Variants in AVEN observed in about 807,000 individuals in gnomAD.
The protein encoded by AVEN is cell death regulator Aven.
Under a neutral mutation model 38.1 loss-of-function variants are expected in AVEN, and 41 were observed. The observed-to-expected ratio is 1.08, with a 90% confidence interval of 0.84 to 1.40. The LOEUF (loss-of-function observed/expected upper bound fraction) is 1.40, where lower values mean the gene tolerates loss of function less well. Among genes scored for constraint, AVEN ranks in the 40% most tolerant of loss-of-function variants. AVEN has a pLI of 0.00. For missense variants in AVEN, 605 were observed against 438.8 expected, an observed-to-expected ratio of 1.38 and a Z score of -3.38; for synonymous variants, 206 against 171.8, an observed-to-expected ratio of 1.20 and a Z score of -1.56.
intron 2 of AVEN, among the ~76,000 whole-genome samples, chr15:33,990,203 C>CA (rs974521627): frequency 2.9e-4 from 40 of 140,222 alleles, no homozygotes; most frequent in Middle Eastern, 3.6e-3. Context: ...GACTCCGTCT[C>CA]AAAAAAAAAC....
chr15:34,056,437 G>A (rs1394250167), intron 5 of AVEN, among the ~76,000 whole-genome samples: 1 of 152,230 alleles, frequency 6.6e-6, no homozygotes, highest in Non-Finnish European at 1.5e-5. Flanking sequence ...AGAAAGGCTA[G>A]ATAAGCTAAG....
intron 2 of AVEN, among the ~76,000 whole-genome samples, chr15:33,920,449 G>A (rs1278257823): frequency 1.3e-5 from 2 of 152,080 alleles, no homozygotes; most frequent in African/African-American, 4.8e-5. Flanking sequence ...TTTGAGGCTG[G>A]CTTATTTCAC....
downstream of AVEN, chr15:33,858,326 T>C (rs1313880517): frequency 1.1e-5 from 2 of 174,932 alleles, no homozygotes; most frequent in Admixed American, 5.6e-5. Flanking sequence ...TGCCTCAGCC[T>C]CCCTAGTAGC....
chr15:33,911,406 T>C (rs1299055756), intron 2 of AVEN, among the ~76,000 whole-genome samples: 1 of 152,248 alleles, frequency 6.6e-6, no homozygotes, highest in East Asian at 1.9e-4. Flanking sequence ...CCTCCTTTTT[T>C]GCTAACATAC....
At chr15:34,017,771 A>T (rs1898005608) in intron 1 of AVEN, among the ~76,000 whole-genome samples, 1 of 152,088 alleles carries the variant, frequency 6.6e-6, no homozygotes. Context: ...TGAGCCACTG[A>T]GCCTGGCCAG....
At chr15:33,924,575 G>C (rs912309835) in intron 2 of AVEN, among the ~76,000 whole-genome samples, 3 of 152,048 alleles carry the variant, frequency 2.0e-5, no homozygotes, top group Non-Finnish European at 4.4e-5. Context: ...ACCTGCCACA[G>C]CCTCTCAAAG....
chr15:33,955,585 T>C (rs1894923223), intron 2 of AVEN, among the ~76,000 whole-genome samples: 1 of 152,230 alleles, frequency 6.6e-6, no homozygotes, highest in Admixed American at 6.5e-5. Flanking sequence ...AAGAGTATTA[T>C]GAATTTTAGA....
intron 1 of AVEN, among the ~76,000 whole-genome samples, chr15:34,008,969 CACACACAG>C (rs1567464060): frequency 3.3e-5 from 5 of 151,454 alleles, no homozygotes; most frequent in African/African-American, 7.3e-5. Context: ...CACACACACA[CACACACAG>C]ACCATCGAGA....
intron 1 of AVEN, among the ~76,000 whole-genome samples, chr15:34,008,768 G>A (rs992105650): frequency 4.6e-5 from 7 of 152,146 alleles, no homozygotes; most frequent in East Asian, 3.9e-4. Context: ...GATTACAGGC[G>A]TGAGCCACCG....
rs1268974335 is a variant in AVEN at position 34,035,948 on chromosome 15, G to A, written c.267+2832C>T. ...GTAGCAGGGACTACAGATGCACCCCGCCATGCTCGGCAGTTTTGTATTTTT... is the reference window on the plus strand; with the variant it reads ...GTAGCAGGGACTACAGATGCACCCCACCATGCTCGGCAGTTTTGTATTTTT... On this transcript the variant is annotated intron_variant, in intron 1 of 5. Transcript: ENST00000306730. 5.3e-5 allele frequency among the ~76,000 whole-genome samples: 8 copies of A among 151,944 alleles called. No individual in the cohort carries two copies. The East Asian group carries it at 1.2e-3, about 22-fold the overall frequency.
At chr15:34,026,156 A>G (rs1280527680) in intron 1 of AVEN, among the ~76,000 whole-genome samples, 3 of 152,330 alleles carry the variant, frequency 2.0e-5, no homozygotes, top group Middle Eastern at 3.4e-3. Flanking sequence ...AAATGCATAC[A>G]TATACCTTAT....
chr15:33,943,142 G>A (rs191341762), intron 2 of AVEN, among the ~76,000 whole-genome samples: 42 of 152,326 alleles, frequency 2.8e-4, no homozygotes, highest in African/African-American at 1.0e-3. Context: ...GCAGGATCTT[G>A]AAGAGGTATT....
chr15:33,984,736 A>G (rs933677251), intron 2 of AVEN, among the ~76,000 whole-genome samples: 2 of 152,114 alleles, frequency 1.3e-5, no homozygotes, highest in African/African-American at 2.4e-5. Context: ...GTTGCTTTTC[A>G]TTGAAGAACA....
In AVEN at chr15:34,017,484, G is replaced by GTTT. The variant is rs60119659; in HGVS notation, c.268-14278_268-14276dup. Among the ~76,000 whole-genome samples the GTTT allele has an allele frequency of 5.9e-3, 628 of 107,326 alleles. 18 individuals are homozygous for GTTT. The highest frequency in any genetic ancestry group is 0.018 in the African/African-American group (564 of 31,688). The allele number at this position is 107,326 out of a possible 152,430, so 70.4% of individuals were successfully genotyped here. A position where few individuals can be genotyped will look rare whatever the true frequency, so the allele number is the denominator to read the frequency against. On this transcript the variant is annotated intron_variant, in intron 1 of 5. Coordinates refer to ENST00000306730, the MANE Select transcript of AVEN (RefSeq NM_020371.3). The stretch of plus-strand genomic sequence containing the variant: ...GTGATTTCAGTATGATTTTTTTTTT[G>GTTT]TTTTTTTTTTTTTTTTGAGACAGGG...
chr15:34,029,861 C>T (rs12437606), intron 1 of AVEN, among the ~76,000 whole-genome samples: 4,286 of 152,242 alleles, frequency 0.028, 168 homozygotes, highest in African/African-American at 0.077. Flanking sequence ...ATTTTATTAT[C>T]AGCCTTGTAG....
downstream of AVEN, chr15:33,865,975 A>C (rs567399081): frequency 6.5e-6 from 1 of 152,996 alleles, no homozygotes; most frequent in African/African-American, 2.4e-5. Context: ...TCAGAAAAAA[A>C]ATCTCAACCT....
At chr15:33,924,367 CAAAA>C (rs1439645756) in intron 2 of AVEN, among the ~76,000 whole-genome samples, 1 of 133,590 alleles carries the variant, frequency 7.5e-6, no homozygotes, top group Non-Finnish European at 1.6e-5. Context: ...GAGACTGTCT[CAAAA>C]AAAAAAAAAA....
chr15:33,990,681 C>T (rs1896684082), intron 2 of AVEN: 1 of 152,192 alleles, frequency 6.6e-6, no homozygotes, highest in African/African-American at 2.4e-5. Flanking sequence ...GAAAGATAAC[C>T]ACAGCAGCCA....
At chr15:33,951,443 A>C (rs1014684307) in intron 2 of AVEN, among the ~76,000 whole-genome samples, 11 of 152,086 alleles carry the variant, frequency 7.2e-5, no homozygotes, top group African/African-American at 2.7e-4. Context: ...GGATAGCATT[A>C]GGAGAAATAC....
Sources: gnomAD v4.1 joint callset for allele counts (sites outside exome capture counted in the v4.1 genomes callset) on GRCh38, gnomAD v4.1.1 for gene constraint, MANE v1.5 for transcripts, NCBI Gene and HGNC (gene_info 2026-07-23, HGNC 2026-07-21) for gene names.